Variants in XKR6 observed in about 807,000 individuals in gnomAD.
XKR6 encodes XK-related protein 6.
XKR6 carries 22 observed loss-of-function variants against 56.7 expected under a neutral mutation model. That is an observed-to-expected ratio of 0.39 (90% CI 0.28 to 0.55). The LOEUF (loss-of-function observed/expected upper bound fraction) is 0.55, where lower values mean the gene tolerates loss of function less well. Among genes scored for constraint, XKR6 ranks in the 20% least tolerant of loss-of-function variants. XKR6 has a pLI of 0.66. For missense variants in XKR6, 852 were observed against 889.0 expected (o/e 0.96, Z 0.53); for synonymous variants, 524 against 387.8 (o/e 1.35, Z -4.13).
At chr8:11,176,885 CAG>C (rs1325034801) in intron 1 of XKR6, among the ~76,000 whole-genome samples, 1 of 152,190 alleles carries the variant, frequency 6.6e-6, no homozygotes, top group Non-Finnish European at 1.5e-5. Flanking sequence ...CCCCTGCCAC[CAG>C]AGCAACAGAA....
intron 1 of XKR6, among the ~76,000 whole-genome samples, chr8:11,057,293 T>G (rs762349158): frequency 6.6e-6 from 1 of 152,192 alleles, no homozygotes; most frequent in Non-Finnish European, 1.5e-5. Flanking sequence ...CTTATTTATT[T>G]CTGGTATTCT....
At chr8:11,010,741 C>T (rs1452010338) in intron 1 of XKR6, among the ~76,000 whole-genome samples, 1 of 152,062 alleles carries the variant, frequency 6.6e-6, no homozygotes, top group African/African-American at 2.4e-5. Context: ...GTCTTCTTTA[C>T]TACCTTTTTT....
intron 1 of XKR6, among the ~76,000 whole-genome samples, chr8:11,014,097 T>C (rs139399135): frequency 1.7e-3 from 260 of 152,348 alleles, no homozygotes; most frequent in African/African-American, 6.0e-3. Context: ...CAAATGCCCA[T>C]TTAGACAATC....
intron 2 of XKR6, among the ~76,000 whole-genome samples, chr8:10,910,211 G>T (rs1385869630): frequency 6.6e-6 from 1 of 152,114 alleles, no homozygotes; most frequent in African/African-American, 2.4e-5. Context: ...TCACAACAAA[G>T]AATGACTTGG....
At chr8:11,176,703 T>C (rs1465791166) in intron 1 of XKR6, among the ~76,000 whole-genome samples, 1 of 152,008 alleles carries the variant, frequency 6.6e-6, no homozygotes, top group Non-Finnish European at 1.5e-5. Flanking sequence ...CGAGGACTCT[T>C]AGGCCCCATC....
chr8:10,946,761 A>C (rs956528142), intron 1 of XKR6, among the ~76,000 whole-genome samples: 2 of 152,060 alleles, frequency 1.3e-5, no homozygotes, highest in African/African-American at 4.8e-5. Context: ...CTGTTCACAG[A>C]CCAGTGGAGG....
chr8:10,919,179 T>A (rs1232451083), intron 2 of XKR6, among the ~76,000 whole-genome samples: 3 of 152,300 alleles, frequency 2.0e-5, no homozygotes, highest in East Asian at 3.9e-4. Context: ...TTGGAACAAG[T>A]CAGGCTTTCC....
At chr8:11,041,555 C>CAA (rs397892339) in intron 1 of XKR6, among the ~76,000 whole-genome samples, 1 of 134,588 alleles carries the variant, frequency 7.4e-6, no homozygotes, top group South Asian at 2.5e-4. Flanking sequence ...GACTTTGTCT[C>CAA]AAAAAAAAAA....
chr8:11,068,089 G>T (rs948342132), intron 1 of XKR6, among the ~76,000 whole-genome samples: 5 of 152,336 alleles, frequency 3.3e-5, no homozygotes, highest in African/African-American at 1.2e-4. Flanking sequence ...CTCAATAGTG[G>T]TGTGTTGATT....
chr8:10,982,816 A>G (rs1408593883), intron 1 of XKR6, among the ~76,000 whole-genome samples: 1 of 152,184 alleles, frequency 6.6e-6, no homozygotes, highest in Non-Finnish European at 1.5e-5. Flanking sequence ...GTACAAGGAC[A>G]AGAACGTATT....
In XKR6 at chr8:11,114,773, G is replaced by GTGTGTGTA. The variant is rs34746866; in HGVS notation, c.764+85802_764+85803insTACACACA. On this transcript the variant is annotated intron_variant, in intron 1 of 2. Transcript: ENST00000416569. Reference sequence around the variant, plus strand: ...TGTGTGTGTGTGTGTGTGTGTGTGTGTATGTGCCAGGGCAAGAAAGGTCAG... The same window carrying GTGTGTGTA: ...TGTGTGTGTGTGTGTGTGTGTGTGTGTGTGTGTATATGTGCCAGGGCAAGAAAGGTCAG... 1.4e-3 allele frequency among the ~76,000 whole-genome samples: 206 copies of GTGTGTGTA among 146,612 alleles called. 2 individuals are homozygous for GTGTGTGTA. The highest frequency in any genetic ancestry group is 4.0e-3 in the East Asian group (20 of 5,044).
intron 1 of XKR6, among the ~76,000 whole-genome samples, chr8:11,084,410 TATG>T (rs1459182174): frequency 6.6e-6 from 1 of 152,200 alleles, no homozygotes; most frequent in Non-Finnish European, 1.5e-5. Context: ...AGAATTCAGA[TATG>T]ATTTATACCG....
intron 1 of XKR6, among the ~76,000 whole-genome samples, chr8:11,164,012 G>T (rs945846895): frequency 6.6e-6 from 1 of 152,120 alleles, no homozygotes; most frequent in Non-Finnish European, 1.5e-5. Context: ...ACAGTAATGT[G>T]AGCATGTTTT....
intron 1 of XKR6, among the ~76,000 whole-genome samples, chr8:10,955,679 T>C (rs943192052): frequency 2.0e-5 from 3 of 152,148 alleles, no homozygotes; most frequent in African/African-American, 7.2e-5. Flanking sequence ...AGCTATGTGG[T>C]TCTGTTTTCC....
chr8:11,039,804 C>T (rs1424782166), intron 1 of XKR6, among the ~76,000 whole-genome samples: 2 of 152,226 alleles, frequency 1.3e-5, no homozygotes, highest in Non-Finnish European at 2.9e-5. Context: ...GGGCATACAG[C>T]CCCCACCTGA....
At chr8:11,149,868 G>A (rs1801180913) in intron 1 of XKR6, among the ~76,000 whole-genome samples, 1 of 152,176 alleles carries the variant, frequency 6.6e-6, no homozygotes, top group South Asian at 2.1e-4. Flanking sequence ...AGAAAGTGTG[G>A]TATATATACA....
At chr8:11,105,729 A>G (rs2129177495) in intron 1 of XKR6, 1 of 152,336 alleles carries the variant, frequency 6.6e-6, no homozygotes, top group East Asian at 1.9e-4. Context: ...GGCTCCAGGC[A>G]CCGAAAAGCT....
At chr8:11,092,585 T>C (rs1157098985) in intron 1 of XKR6, among the ~76,000 whole-genome samples, 1 of 152,140 alleles carries the variant, frequency 6.6e-6, no homozygotes, top group East Asian at 1.9e-4. Context: ...GAGAAACTGC[T>C]GATCTCACGT....
In XKR6 at chr8:11,137,577, G is replaced by A. The variant is rs1425775319; in HGVS notation, c.764+62999C>T. ...TGTTCTGGAAGAAAAAGACAGCAGG[G>A]AGAAGTTCTCTTTAGAACCAGCTCT... On this transcript the variant is annotated intron_variant, in intron 1 of 2. Coordinates refer to ENST00000416569, the MANE Select transcript of XKR6 (RefSeq NM_173683.4). The A allele has an allele frequency of 1.3e-5, 6 of 456,128 alleles. No individual in the cohort carries two copies. In the Admixed American group the frequency reaches 1.4e-4, roughly 11 times the overall value. The allele number at this position is 456,128 out of a possible 1,614,324, so 28.3% of individuals were successfully genotyped here. A position where few individuals can be genotyped will look rare whatever the true frequency, so the allele number is the denominator to read the frequency against.
Sources: allele counts gnomAD v4.1 joint callset (sites outside exome capture counted in the v4.1 genomes callset), GRCh38; gene constraint gnomAD v4.1.1; transcripts MANE v1.5; gene names NCBI Gene and HGNC (gene_info 2026-07-23, HGNC 2026-07-21).